The following PRRC2B variants were observed in gnomAD, a reference collection of about 807,000 sequenced individuals.
PRRC2B encodes protein PRRC2B.
PRRC2B carries 68 observed loss-of-function variants against 242.3 expected under a neutral mutation model. The ratio of observed to expected loss-of-function variants is 0.28; its 90% CI spans 0.23 to 0.34. The LOEUF (loss-of-function observed/expected upper bound fraction) is 0.34. Among genes scored for constraint, PRRC2B ranks in the 10% least tolerant of loss-of-function variants. PRRC2B has a pLI of 1.00. For synonymous variants in PRRC2B, 1,228 were observed against 1,173.6 expected (o/e 1.05, Z -0.95); for missense variants, 2,835 against 2,954.8 (o/e 0.96, Z 0.94).
At chr9:131,432,840 G>A in intron 3 of PRRC2B, 46 bp downstream of exon 3, 1 of 1,597,120 alleles carries the variant, frequency 6.3e-7, no homozygotes, top group Non-Finnish European at 8.6e-7. Context: ...CGCTCCAAGG[G>A]TGGTCCCGGC....
At position 131,475,642 on chromosome 9, in the gene PRRC2B, G is replaced by A. The variant is rs1943670389; in HGVS notation, c.3513G>A (p.Lys1171=). The A allele has an allele frequency of 6.2e-7, 1 of 1,611,050 alleles. No homozygotes were observed. The highest frequency in any genetic ancestry group is 1.3e-5 in the African/African-American group (1 of 74,860). The change falls in exon 16 of 32, where the codon AAG becomes AAA. Residue 1171 remains lysine (K), a synonymous_variant. Coordinates refer to ENST00000683519, the MANE Select transcript of PRRC2B (RefSeq NM_013318.4). Reference sequence around the variant, plus strand: ...AGAGGGAGGAGAGCACCTTGAAGAAGGGCGACTGCAGAGATTCTTGGCGGT... The same window carrying A: ...AGAGGGAGGAGAGCACCTTGAAGAAAGGCGACTGCAGAGATTCTTGGCGGT... ...LLEREESTLK[K]GDCRDSWRSN...
At chr9:131,420,493 C>CTTTCTTTCTTTCTTT in intron 1 of PRRC2B, among the ~76,000 whole-genome samples, 1 of 30,180 alleles carries the variant, frequency 3.3e-5, no homozygotes, top group African/African-American at 1.1e-4. Context: ...TTCTTTCTTT[C>CTTTCTTTCTTTCTTT]TTTTTTTTTT....
intron 28 of PRRC2B, chr9:131,490,655 G>C (rs1045435770): frequency 1.9e-6 from 1 of 514,188 alleles, no homozygotes; most frequent in Non-Finnish European, 3.9e-6. Context: ...CGCATATCTT[G>C]TTCTAGTTAG....
At chr9:131,407,077 T>C (rs1283985543) in intron 1 of PRRC2B, among the ~76,000 whole-genome samples, 1 of 152,186 alleles carries the variant, frequency 6.6e-6, no homozygotes, top group African/African-American at 2.4e-5. Flanking sequence ...CTTCAGCTTT[T>C]TGAGGGGAGA....
At chr9:131,419,853 G>T (rs1837753327) in intron 1 of PRRC2B, among the ~76,000 whole-genome samples, 1 of 152,000 alleles carries the variant, frequency 6.6e-6, no homozygotes, top group South Asian at 2.1e-4. Flanking sequence ...GTTGGGCCGG[G>T]GGGGTCTGGA....
At chr9:131,431,384 C>T (rs1838166101) in intron 2 of PRRC2B, among the ~76,000 whole-genome samples, 1 of 151,858 alleles carries the variant, frequency 6.6e-6, no homozygotes, top group African/African-American at 2.4e-5. Flanking sequence ...CTTGCCTCGG[C>T]CTCCCAAAGT....
intron 1 of PRRC2B, among the ~76,000 whole-genome samples, chr9:131,408,234 G>A (rs956012214): frequency 2.6e-5 from 4 of 152,172 alleles, no homozygotes; most frequent in Non-Finnish European, 4.4e-5. Context: ...CTCTGTGCGG[G>A]GTTACAGGTC....
At chr9:131,463,628 C>CTTTTTTTTTTTTTTTTTTTTTT (rs374951504) in intron 11 of PRRC2B, among the ~76,000 whole-genome samples, 2 of 125,780 alleles carry the variant, frequency 1.6e-5, no homozygotes, top group African/African-American at 3.0e-5. Flanking sequence ...TTTAGGCATG[C>CTTTTTTTTTTTTTTTTTTTTTT]TTTTTTTTTT....
rs1170537422 is a variant in PRRC2B at position 131,430,066 on chromosome 9, T to G, written c.-51-28T>G. 7.4e-6 allele frequency: 5 copies of G among 677,924 alleles called. No homozygotes were observed. The African/African-American group carries it at 9.2e-5, about 12-fold the overall frequency. The allele number at this position is 677,924 out of a possible 1,614,324, so 42.0% of individuals were successfully genotyped here. On this transcript the variant is annotated intron_variant, in intron 1 of 31. Transcript: ENST00000683519. Reference sequence around the variant, plus strand: ...CTTTTTTTTTTTTCTCTCTCTTTTTTTTTTTTTCTTCTCTATTTCAAAGGC... The same window carrying G: ...CTTTTTTTTTTTTCTCTCTCTTTTTGTTTTTTTCTTCTCTATTTCAAAGGC...
At chr9:131,458,629 A>G (rs1943153090) in intron 10 of PRRC2B, among the ~76,000 whole-genome samples, 1 of 151,656 alleles carries the variant, frequency 6.6e-6, no homozygotes, top group Non-Finnish European at 1.5e-5. Context: ...CTCAGCCTCT[A>G]GTAGCTGAGA....
chr9:131,462,698 C>T (rs531769785), intron 11 of PRRC2B, among the ~76,000 whole-genome samples: 1 of 151,420 alleles, frequency 6.6e-6, no homozygotes, highest in Non-Finnish European at 1.5e-5. Flanking sequence ...ATTAGCCAGG[C>T]GTGGTGCCGC....
At chr9:131,400,283 C>T (rs147892078) in intron 1 of PRRC2B, among the ~76,000 whole-genome samples, 16 of 151,904 alleles carry the variant, frequency 1.1e-4, no homozygotes, top group South Asian at 2.1e-4. Context: ...GACGGGGTTT[C>T]GCCATTTTGC....
chr9:131,433,305 T>A (rs539329743), intron 3 of PRRC2B, among the ~76,000 whole-genome samples: 1 of 152,256 alleles, frequency 6.6e-6, no homozygotes, highest in East Asian at 1.9e-4. Context: ...TAGTCATCAG[T>A]GAGAACAGCA....
Position 131,420,485 on chromosome 9 carries a change from C to CT in PRRC2B, c.-51-9606dup, listed in dbSNP as rs1240553042. Among the ~76,000 whole-genome samples, 43 of 15,762 alleles carry CT rather than the reference C, an allele frequency of 2.7e-3. 5 individuals carry two copies. The highest frequency in any genetic ancestry group is 6.1e-3 in the African/African-American group (38 of 6,274). The allele number at this position is 15,762 out of a possible 152,430, so 10.3% of individuals were successfully genotyped here. On this transcript the variant is annotated intron_variant, in intron 1 of 31. Transcript: ENST00000683519. ...TCTTTCTTTCTTTCTTTCTTTCTTTCTTTCTTTCTTTTTTTTTTTTTTTTT... is the reference window on the plus strand; with the variant it reads ...TCTTTCTTTCTTTCTTTCTTTCTTTCTTTTCTTTCTTTTTTTTTTTTTTTTT...
chr9:131,378,578 A>C (rs1384490986), intron 1 of PRRC2B, among the ~76,000 whole-genome samples: 2 of 152,186 alleles, frequency 1.3e-5, no homozygotes, highest in Non-Finnish European at 2.9e-5. Flanking sequence ...CTCAGCCTCC[A>C]TCCCAGCCCT....
chr9:131,447,703 T>C lies in PRRC2B; in HGVS notation c.1019T>C (p.Leu340Pro). The C allele has an allele frequency of 6.2e-7, 1 of 1,613,004 alleles. No individual in the cohort carries two copies. The highest frequency in any genetic ancestry group is 8.5e-7 in the Non-Finnish European group (1 of 1,179,446). ...GGATTGTCTCGCCCACTCCGCCCAC[T>C]AAGGCAGCTGGTGGAGCGGGCACCA... ...RLGLSRPLRPLRQLVERAPRP... is the reference protein window; with the variant it reads ...RLGLSRPLRPPRQLVERAPRP... Residue 340 changes from leucine to proline, a missense_variant, in exon 9 of 32, where the codon CTA (leucine) becomes CCA (proline). Leu to Pro is a moderately conservative substitution (Grantham distance 98). This residue lies in a region of PRRC2B where 626 missense variants were observed against 685.5 expected (regional missense o/e 0.91). Transcript: ENST00000683519.
chr9:131,391,320 TCCTG>T (rs2131270013), upstream of PRRC2B, among the ~76,000 whole-genome samples: 1 of 152,172 alleles, frequency 6.6e-6, no homozygotes, highest in South Asian at 2.1e-4. Context: ...GGGCGTGAGG[TCCTG>T]CGTCATTCCT....
chr9:131,484,616 A>G lies in PRRC2B; in HGVS notation c.5461-70A>G. On this transcript the variant is annotated intron_variant, in intron 23 of 31. Transcript: ENST00000683519. ...AGCCTTGAGTGTGTTCAGGAGAGCC[A>G]TGGATGGGTTTGGGCAAAGCCATCT... 4 of 1,259,862 alleles carry G rather than the reference A, an allele frequency of 3.2e-6. No individual in the cohort carries two copies. The South Asian group carries it at 5.5e-5, about 17-fold the overall frequency. The allele number at this position is 1,259,862 out of a possible 1,614,324, so 78.0% of individuals were successfully genotyped here. A position where few individuals can be genotyped will look rare whatever the true frequency, so the allele number is the denominator to read the frequency against.
At chr9:131,380,678 A>G (rs1258917127) in intron 1 of PRRC2B, among the ~76,000 whole-genome samples, 1 of 151,908 alleles carries the variant, frequency 6.6e-6, no homozygotes, top group Non-Finnish European at 1.5e-5. Context: ...GGAGTTTGAG[A>G]CAAGCCTGGC....
Sources: allele counts gnomAD v4.1 joint callset (sites outside exome capture counted in the v4.1 genomes callset), GRCh38; gene constraint gnomAD v4.1.1; regional missense constraint gnomAD v4.1.1; transcripts MANE v1.5; gene names NCBI Gene and HGNC (gene_info 2026-07-23, HGNC 2026-07-21).